Variants in ADGRL4 observed in about 807,000 individuals in gnomAD.
ADGRL4 encodes the protein adhesion G protein-coupled receptor L4.
In ADGRL4, 90 loss-of-function variants were observed where a neutral mutation model predicts 74.8. The observed-to-expected ratio is 1.20, with a 90% CI of 1.02 to 1.43. The LOEUF is 1.43. Ranked by LOEUF, ADGRL4 falls within the 40% of genes most tolerant of loss-of-function variation. The pLI, the probability that ADGRL4 is intolerant of heterozygous loss-of-function variation, is 0.00. For synonymous variants in ADGRL4, 311 were observed against 279.2 expected (o/e 1.11, Z -1.14); for missense variants, 881 against 814.3 (o/e 1.08, Z -1.00).
chr1:79,000,744 T>C (rs1302888628), intron 2 of ADGRL4, among the ~76,000 whole-genome samples: 1 of 152,190 alleles, frequency 6.6e-6, no homozygotes, highest in Non-Finnish European at 1.5e-5. Flanking sequence ...ACAGAAATCA[T>C]GATCCTGGAA....
chr1:78,952,503 A>G (rs1273563747), intron 2 of ADGRL4, among the ~76,000 whole-genome samples: 2 of 152,012 alleles, frequency 1.3e-5, no homozygotes, highest in African/African-American at 4.8e-5. Flanking sequence ...TGTGAATACC[A>G]AAGTAAAAAT....
chr1:78,993,583 T>TC lies in ADGRL4; in HGVS notation c.172+11486_172+11487insG, dbSNP rs557820779. The stretch of plus-strand genomic sequence containing the variant: ...TAAGCAAAAATTCCATTTTTTTTTT[T>TC]TTTGAGATGGAGTCTCGCTCTCTCA... On this transcript the variant is annotated intron_variant, in intron 2 of 14. Coordinates refer to ENST00000370742, the MANE Select transcript of ADGRL4 (RefSeq NM_022159.4). Among the ~76,000 whole-genome samples the TC allele has an allele frequency of 3.2e-3, 491 of 152,094 alleles. 4 individuals are homozygous for TC. Among genetic ancestry groups the TC allele is most frequent in the African/African-American group, 0.011 (474 of 41,490 alleles).
chr1:78,947,529 T>C (rs1385896125), intron 2 of ADGRL4, among the ~76,000 whole-genome samples: 2 of 152,176 alleles, frequency 1.3e-5, no homozygotes, highest in Non-Finnish European at 2.9e-5. Flanking sequence ...ACCTTGATTT[T>C]AGACTTTTAG....
chr1:78,940,512 T>C (rs1570243307), intron 3 of ADGRL4, among the ~76,000 whole-genome samples: 1 of 152,136 alleles, frequency 6.6e-6, no homozygotes, highest in African/African-American at 2.4e-5. Context: ...CAGTGAAATA[T>C]GCTTCACATT....
chr1:78,981,079 C>T lies in ADGRL4; in HGVS notation c.172+23991G>A, dbSNP rs373087152. ...CAAAATAGTATTAATCTTTGTGACACCTCTCAGAATTTTTGTGAAAGACAT... is the reference window on the plus strand; with the variant it reads ...CAAAATAGTATTAATCTTTGTGACATCTCTCAGAATTTTTGTGAAAGACAT... On this transcript the variant is annotated intron_variant, in intron 2 of 14. Coordinates refer to ENST00000370742, the MANE Select transcript of ADGRL4 (RefSeq NM_022159.4). Among the ~76,000 whole-genome samples, 91 of 151,832 alleles carry T rather than the reference C, an allele frequency of 6.0e-4. No homozygotes were observed. The South Asian group carries it at 0.011, about 18-fold the overall frequency.
chr1:78,988,157 A>G (rs1212234009), intron 2 of ADGRL4, among the ~76,000 whole-genome samples: 1 of 151,862 alleles, frequency 6.6e-6, no homozygotes, highest in Non-Finnish European at 1.5e-5. Flanking sequence ...AACAAATGTT[A>G]TTATATCAAG....
intron 12 of ADGRL4, among the ~76,000 whole-genome samples, chr1:78,894,043 G>A (rs1345462054): frequency 6.6e-6 from 1 of 151,820 alleles, no homozygotes; most frequent in African/African-American, 2.4e-5. Flanking sequence ...ATAGTTGGAA[G>A]GCTAATCCCT....
intron 2 of ADGRL4, among the ~76,000 whole-genome samples, chr1:78,976,241 G>T (rs376351455): frequency 1.6e-4 from 24 of 152,066 alleles, no homozygotes; most frequent in African/African-American, 5.5e-4. Context: ...ATAAATAAGT[G>T]CTGCATACTA....
intron 8 of ADGRL4, among the ~76,000 whole-genome samples, chr1:78,925,370 A>G (rs1162892155): frequency 1.3e-5 from 2 of 152,074 alleles, no homozygotes; most frequent in Non-Finnish European, 2.9e-5. Flanking sequence ...AAAAAAACTT[A>G]GAATACTGCC....
rs1650967881 is a variant in ADGRL4, at chr1:79,006,616, G to A, written c.22+17C>T. On this transcript the variant is annotated intron_variant, in intron 1 of 14. Coordinates refer to ENST00000370742, the MANE Select transcript of ADGRL4 (RefSeq NM_022159.4). ...TCCCTCCGACGACCTCGGCGACCAG[G>A]GGCGCTGAGCACTCACCTAGGAGCG... is the stretch of plus-strand genomic sequence containing the variant. 2 of 1,536,304 alleles carry A rather than the reference G, an allele frequency of 1.3e-6. No homozygotes were observed. The highest frequency in any genetic ancestry group is 1.4e-5 in the African/African-American group (1 of 70,638).
At chr1:78,914,724 T>C (rs1648834647) in intron 12 of ADGRL4, among the ~76,000 whole-genome samples, 1 of 151,864 alleles carries the variant, frequency 6.6e-6, no homozygotes, top group African/African-American at 2.4e-5. Context: ...TGGTGTTTAC[T>C]TCTTTTTCCT....
Position 78,986,446 on chromosome 1 carries a change from TAAGAAAA to T in ADGRL4, c.172+18617_172+18623del, listed in dbSNP as rs544321358. Among the ~76,000 whole-genome samples the T allele has an allele frequency of 2.3e-4, 34 of 150,832 alleles. No homozygotes were observed. In the South Asian group the frequency reaches 6.9e-3, roughly 31 times the overall value. On this transcript the variant is annotated intron_variant, in intron 2 of 14. Transcript: ENST00000370742. The stretch of plus-strand genomic sequence containing the variant: ...CAGACCCTGTCTCCATGAAATACAA[TAAGAAAA>T]AAGAAAAAAGAAAATTAACTGGGTG...
intron 12 of ADGRL4, among the ~76,000 whole-genome samples, chr1:78,902,263 C>T (rs905194758): frequency 6.6e-6 from 1 of 152,102 alleles, no homozygotes; most frequent in Non-Finnish European, 1.5e-5. Context: ...CCACATCCCC[C>T]AAAATTAAAA....
intron 13 of ADGRL4, among the ~76,000 whole-genome samples, 158 bp from the exon 14 acceptor site, chr1:78,891,850 G>C (rs1648285011): frequency 1.3e-5 from 2 of 152,160 alleles, no homozygotes; most frequent in South Asian, 4.1e-4. Context: ...TTGTGCTGCA[G>C]TTAGGTGTGA....
intron 12 of ADGRL4, among the ~76,000 whole-genome samples, chr1:78,901,755 CATAT>C (rs1648525718): frequency 6.6e-6 from 1 of 152,168 alleles, no homozygotes; most frequent in South Asian, 2.1e-4. Flanking sequence ...TTCACCCCCA[CATAT>C]AGCTACATGA....
chr1:78,996,826 G>C (rs984603789), intron 2 of ADGRL4, among the ~76,000 whole-genome samples: 1 of 152,124 alleles, frequency 6.6e-6, no homozygotes, highest in African/African-American at 2.4e-5. Flanking sequence ...TATAGCAGGT[G>C]AAAAAATACT....
intron 3 of ADGRL4, among the ~76,000 whole-genome samples, chr1:78,945,177 A>AAAAAAT (rs376405445): frequency 6.8e-4 from 87 of 127,936 alleles, no homozygotes; most frequent in African/African-American, 1.7e-3. Flanking sequence ...AAAAAAAAAA[A>AAAAAAT]ATATATATAT....
Position 78,946,389 on chromosome 1 carries a change from G to T in ADGRL4, c.210C>A (p.Gly70=). 1 of 1,612,054 alleles carries T rather than the reference G, an allele frequency of 6.2e-7. No homozygotes were observed. The highest frequency in any genetic ancestry group is 8.5e-7 in the Non-Finnish European group (1 of 1,178,944). The change falls in exon 3 of 15, where the codon GGC becomes GGA. Residue 70 remains glycine, a synonymous_variant. Transcript: ENST00000370742. ...NECGNLTQSC[G]ENANCTNTEG... ...CTGTGTTAGTGCAATTAGCATTTTC[G>T]CCACAGGACTGAGTTAAATTTCCAC...
intron 2 of ADGRL4, among the ~76,000 whole-genome samples, chr1:78,967,000 T>G (rs1267196445): frequency 6.6e-6 from 1 of 152,056 alleles, no homozygotes; most frequent in African/African-American, 2.4e-5. Flanking sequence ...CCTGCCTCTG[T>G]GTAGTATGCG....
Sources: allele counts gnomAD v4.1 joint callset (sites outside exome capture counted in the v4.1 genomes callset), GRCh38; gene constraint gnomAD v4.1.1; transcripts MANE v1.5; gene names NCBI Gene and HGNC (gene_info 2026-07-23, HGNC 2026-07-21).